The following NKAIN2 variants were observed in gnomAD, a reference collection of about 807,000 sequenced individuals.
NKAIN2 encodes sodium/potassium-transporting ATPase subunit beta-1-interacting protein 2.
NKAIN2 carries 14 observed loss-of-function variants against 32.6 expected under a neutral mutation model. The observed-to-expected ratio is 0.43, with a 90% CI of 0.28 to 0.67. The LOEUF (loss-of-function observed/expected upper bound fraction) is 0.67. NKAIN2 is among the 30% of genes least tolerant of loss of function. NKAIN2 has a pLI of 0.17. For synonymous variants in NKAIN2, 80 were observed against 87.2 expected (o/e 0.92, Z 0.46); for missense variants, 198 against 258.3 (o/e 0.77, Z 1.60).
At chr6:124,800,250 AG>A (rs1164297876) in intron 5 of NKAIN2, among the ~76,000 whole-genome samples, 2 of 151,708 alleles carry the variant, frequency 1.3e-5, no homozygotes, top group Non-Finnish European at 2.9e-5. Flanking sequence ...CTGTGTTCAG[AG>A]GTCTCCTTCT....
chr6:124,095,712 CTAAA>C (rs756141054), intron 1 of NKAIN2, among the ~76,000 whole-genome samples: 7 of 152,112 alleles, frequency 4.6e-5, no homozygotes, highest in Non-Finnish European at 7.4e-5. Flanking sequence ...TCAATAAACA[CTAAA>C]TATCTCCCTA....
In NKAIN2 at chr6:124,008,792, C is replaced by T. The variant is rs558161797; in HGVS notation, c.54+204538C>T. 9.9e-5 allele frequency among the ~76,000 whole-genome samples: 15 copies of T among 152,264 alleles called. No homozygotes were observed. The South Asian group carries it at 2.7e-3, about 27-fold the overall frequency. Reference sequence around the variant, plus strand: ...GACAGGCAACACAATAAAACTGACACTTGACCAGCCATATCAAGTAAACTT... The same window carrying T: ...GACAGGCAACACAATAAAACTGACATTTGACCAGCCATATCAAGTAAACTT... On this transcript the variant is annotated intron_variant, in intron 1 of 6. Transcript: ENST00000368417.
At position 124,405,615 on chromosome 6, in the gene NKAIN2, A is replaced by G. The variant is rs1055500242; in HGVS notation, c.273+50268A>G. 4.6e-5 allele frequency among the ~76,000 whole-genome samples: 7 copies of G among 151,580 alleles called. No individual in the cohort carries two copies. In the East Asian group the frequency reaches 1.4e-3, roughly 29 times the overall value. On this transcript the variant is annotated intron_variant, in intron 3 of 6. Coordinates refer to ENST00000368417, the MANE Select transcript of NKAIN2 (RefSeq NM_001040214.3). ...GGCAGGTCTCAAACTCCTGGGCTCA[A>G]GTTGTCCTCCCGACTCTGCCTCCCG...
chr6:124,477,523 C>A lies in NKAIN2; in HGVS notation c.273+122176C>A, dbSNP rs72971746. 8.1e-3 allele frequency among the ~76,000 whole-genome samples: 1,234 copies of A among 152,250 alleles called. 8 individuals carry two copies. Among genetic ancestry groups the A allele is most frequent in the Admixed American group, 0.012 (178 of 15,290 alleles). ...CATATAATCTGTCTGCCTGGATCTA[C>A]CTGTTTGGTGCTTCTCCAGTGGTGG... On this transcript the variant is annotated intron_variant, in intron 3 of 6. Coordinates refer to ENST00000368417, the MANE Select transcript of NKAIN2 (RefSeq NM_001040214.3).
intron 3 of NKAIN2, among the ~76,000 whole-genome samples, chr6:124,411,237 G>A (rs1415302419): frequency 6.6e-6 from 1 of 152,048 alleles, no homozygotes; most frequent in Non-Finnish European, 1.5e-5. Context: ...ATGTTAGCTG[G>A]TTATTTTGCT....
At chr6:124,406,778 T>G (rs2114477436) in intron 3 of NKAIN2, among the ~76,000 whole-genome samples, 1 of 152,260 alleles carries the variant, frequency 6.6e-6, no homozygotes, top group Non-Finnish European at 1.5e-5. Context: ...TCAATAGGCA[T>G]GTAGTGCTAT....
At chr6:123,910,210 T>C (rs1014140715) in intron 1 of NKAIN2, among the ~76,000 whole-genome samples, 4 of 152,178 alleles carry the variant, frequency 2.6e-5, no homozygotes, top group Non-Finnish European at 5.9e-5. Context: ...GTCTCCGGCT[T>C]GTTGTAAAGA....
At chr6:124,161,101 C>A (rs2114448124) in intron 1 of NKAIN2, among the ~76,000 whole-genome samples, 1 of 152,180 alleles carries the variant, frequency 6.6e-6, no homozygotes, top group Admixed American at 6.6e-5. Context: ...ATACTTGAGA[C>A]TGGGTAATTT....
chr6:124,806,012 A>G (rs1253630541), intron 5 of NKAIN2, among the ~76,000 whole-genome samples: 1 of 152,200 alleles, frequency 6.6e-6, no homozygotes, highest in African/African-American at 2.4e-5. Flanking sequence ...TCTACGTCTG[A>G]TTGGTGTACC....
At chr6:124,397,009 G>A (rs1773410392) in intron 3 of NKAIN2, among the ~76,000 whole-genome samples, 1 of 151,988 alleles carries the variant, frequency 6.6e-6, no homozygotes, top group Non-Finnish European at 1.5e-5. Flanking sequence ...TTTTTTATCT[G>A]GAAAAGGAAC....
At chr6:124,674,964 C>G (rs1773284356) in intron 4 of NKAIN2, among the ~76,000 whole-genome samples, 1 of 152,008 alleles carries the variant, frequency 6.6e-6, no homozygotes, top group Non-Finnish European at 1.5e-5. Context: ...CCATTTTTCA[C>G]CATTAAGCAT....
At chr6:124,490,173 G>T (rs1234875602) in intron 3 of NKAIN2, among the ~76,000 whole-genome samples, 1 of 151,780 alleles carries the variant, frequency 6.6e-6, no homozygotes, top group African/African-American at 2.4e-5. Context: ...TAGTTGTAAA[G>T]AGTTGCAGCC....
Position 124,151,040 on chromosome 6 carries a change from A to G in NKAIN2, c.55-131965A>G, listed in dbSNP as rs147156802. Reference sequence around the variant, plus strand: ...TATTGAATTGAAACTATTTGTTCATATTGAAATAAACCCTTTGTCATGTTT... The same window carrying G: ...TATTGAATTGAAACTATTTGTTCATGTTGAAATAAACCCTTTGTCATGTTT... On this transcript the variant is annotated intron_variant, in intron 1 of 6. Coordinates refer to ENST00000368417, the MANE Select transcript of NKAIN2 (RefSeq NM_001040214.3). 2.0e-5 allele frequency among the ~76,000 whole-genome samples: 3 copies of G among 152,186 alleles called. No homozygotes were observed. In the East Asian group the frequency reaches 5.8e-4, roughly 29 times the overall value.
At chr6:124,261,870 A>C (rs1031407803) in intron 1 of NKAIN2, among the ~76,000 whole-genome samples, 29 of 152,022 alleles carry the variant, frequency 1.9e-4, no homozygotes, top group Non-Finnish European at 2.2e-4. Flanking sequence ...CTCACACAAA[A>C]AAAAAAAAAA....
At chr6:124,391,937 A>C (rs1773161632) in intron 3 of NKAIN2, among the ~76,000 whole-genome samples, 1 of 152,264 alleles carries the variant, frequency 6.6e-6, no homozygotes, top group East Asian at 1.9e-4. Context: ...TGTTTGTATG[A>C]AACTGGAATC....
At chr6:123,980,043 A>T (rs906051513) in intron 1 of NKAIN2, among the ~76,000 whole-genome samples, 1 of 152,232 alleles carries the variant, frequency 6.6e-6, no homozygotes, top group Non-Finnish European at 1.5e-5. Flanking sequence ...ATTTGCATAT[A>T]TAGAGAGCTC....
intron 1 of NKAIN2, among the ~76,000 whole-genome samples, chr6:124,171,639 C>A (rs1188565272): frequency 7.0e-6 from 1 of 142,472 alleles, no homozygotes; most frequent in Admixed American, 7.5e-5. Flanking sequence ...GCAACGTCTG[C>A]CTCCCGGTTC....
At chr6:124,798,459 C>G (rs1780109171) in intron 5 of NKAIN2, among the ~76,000 whole-genome samples, 1 of 151,916 alleles carries the variant, frequency 6.6e-6, no homozygotes, top group South Asian at 2.1e-4. Flanking sequence ...TAAACCAAAA[C>G]TTGGTATTTA....
At chr6:124,674,174 T>G (rs1298578885) in intron 4 of NKAIN2, among the ~76,000 whole-genome samples, 1 of 151,928 alleles carries the variant, frequency 6.6e-6, no homozygotes, top group African/African-American at 2.4e-5. Flanking sequence ...TGCATAGGCT[T>G]CTTTGGCTTA....
Sources: gnomAD v4.1 joint callset for allele counts (sites outside exome capture counted in the v4.1 genomes callset) on GRCh38, gnomAD v4.1.1 for gene constraint, MANE v1.5 for transcripts, NCBI Gene and HGNC (gene_info 2026-07-23, HGNC 2026-07-21) for gene names.